Variants in GRAMD2B observed in about 807,000 individuals in gnomAD.
GRAMD2B encodes the protein GRAM domain containing 2B.
Under a neutral mutation model 59.2 loss-of-function variants are expected in GRAMD2B, and 41 were observed. The observed-to-expected ratio is 0.69, with a 90% confidence interval of 0.54 to 0.90. The LOEUF (loss-of-function observed/expected upper bound fraction) is 0.90, where lower values mean the gene tolerates loss of function less well. Ranked by LOEUF, GRAMD2B falls within the 40% of genes least tolerant of loss-of-function variation. The probability of loss-of-function intolerance (pLI) is 0.00; values close to 1 mark genes in which losing one functional copy is unlikely to be tolerated. For synonymous variants in GRAMD2B, 161 were observed against 182.7 expected (o/e 0.88, Z 0.96); for missense variants, 424 against 500.5 (o/e 0.85, Z 1.46).
intron 1 of GRAMD2B, among the ~76,000 whole-genome samples, chr5:126,361,394 G>T (rs1253295483): frequency 6.6e-6 from 1 of 151,042 alleles, no homozygotes; most frequent in Non-Finnish European, 1.5e-5. Context: ...CTACAAACCT[G>T]CATTTGAATC....
intron 1 of GRAMD2B, among the ~76,000 whole-genome samples, chr5:126,431,359 G>A (rs1761550539): frequency 6.6e-6 from 1 of 152,156 alleles, no homozygotes; most frequent in South Asian, 2.1e-4. Context: ...CTTCTTTGCA[G>A]AATAGTTATC....
intron 1 of GRAMD2B, among the ~76,000 whole-genome samples, chr5:126,362,565 G>A (rs1171239808): frequency 6.6e-6 from 1 of 152,006 alleles, no homozygotes; most frequent in Non-Finnish European, 1.5e-5. Flanking sequence ...GACTTATGTA[G>A]ACATACATAA....
chr5:126,391,255 C>T (rs554991224), intron 1 of GRAMD2B, among the ~76,000 whole-genome samples: 26 of 141,338 alleles, frequency 1.8e-4, no homozygotes, highest in African/African-American at 3.4e-4. Context: ...GCAGGAGAAT[C>T]GCTTGAACCC....
chr5:126,379,680 T>C (rs554113041), intron 1 of GRAMD2B, among the ~76,000 whole-genome samples: 53 of 152,368 alleles, frequency 3.5e-4, no homozygotes, highest in African/African-American at 1.2e-3. Flanking sequence ...TTTTATCATA[T>C]GTTTGTTAAC....
chr5:126,382,946 A>G (rs1432076328), intron 1 of GRAMD2B, among the ~76,000 whole-genome samples: 1 of 151,968 alleles, frequency 6.6e-6, no homozygotes, highest in Non-Finnish European at 1.5e-5. Context: ...GCCAGACTGC[A>G]GTGATTATTA....
intron 1 of GRAMD2B, among the ~76,000 whole-genome samples, chr5:126,396,755 G>A (rs746853439): frequency 3.9e-5 from 6 of 152,160 alleles, no homozygotes; most frequent in African/African-American, 4.8e-5. Context: ...ATTGCCACAC[G>A]TCTTCCTCAA....
chr5:126,382,222 T>G (rs567409019), intron 1 of GRAMD2B, among the ~76,000 whole-genome samples: 9 of 152,332 alleles, frequency 5.9e-5, no homozygotes, highest in Admixed American at 2.6e-4. Flanking sequence ...CTTCCTGTAT[T>G]TGGGTGTCTA....
chr5:126,407,852 G>A (rs529288514), intron 1 of GRAMD2B, among the ~76,000 whole-genome samples: 3 of 151,902 alleles, frequency 2.0e-5, no homozygotes, highest in African/African-American at 7.2e-5. Context: ...CTATGTGCCT[G>A]GTATACTGTA....
At chr5:126,385,498 T>C (rs1333343622) in intron 1 of GRAMD2B, among the ~76,000 whole-genome samples, 1 of 152,216 alleles carries the variant, frequency 6.6e-6, no homozygotes, top group Non-Finnish European at 1.5e-5. Flanking sequence ...AGGAAAGAGA[T>C]AACCATTTAC....
At chr5:126,451,870 A>C (rs1402660430) in intron 1 of GRAMD2B, among the ~76,000 whole-genome samples, 1 of 152,054 alleles carries the variant, frequency 6.6e-6, no homozygotes, top group Non-Finnish European at 1.5e-5. Context: ...TCAGTTAGTT[A>C]ATATGAGATC....
intron 6 of GRAMD2B, chr5:126,479,884 T>C (rs576846660): frequency 6.6e-6 from 1 of 152,270 alleles, no homozygotes; most frequent in Non-Finnish European, 1.5e-5. Flanking sequence ...ACATGATTTG[T>C]CTAGCTTTGA....
intron 12 of GRAMD2B, among the ~76,000 whole-genome samples, chr5:126,488,324 T>C (rs1254237601): frequency 6.6e-6 from 1 of 152,222 alleles, no homozygotes; most frequent in Non-Finnish European, 1.5e-5. Context: ...AGTTGTATGA[T>C]AAATCTCAAA....
rs1774233370 is a variant in GRAMD2B at position 126,493,147 on chromosome 5, T to C, written c.*191T>C. 3 of 572,824 alleles carry C rather than the reference T, an allele frequency of 5.2e-6. No individual in the cohort carries two copies. The highest frequency in any genetic ancestry group is 3.0e-5 in the Admixed American group (1 of 32,802). The allele number at this position is 572,824 out of a possible 1,614,324, so 35.5% of individuals were successfully genotyped here. The stretch of plus-strand genomic sequence containing the variant: ...AATTTTGGTTCTTGTGCAATAAAAG[T>C]TGACCTTGACTCTCTGAGGAAGATT... On this transcript the variant is annotated 3_prime_UTR_variant, in exon 14 of 14. Transcript: ENST00000285689.
intron 1 of GRAMD2B, among the ~76,000 whole-genome samples, chr5:126,410,616 A>G (rs1404702335): frequency 6.6e-6 from 1 of 152,152 alleles, no homozygotes; most frequent in Non-Finnish European, 1.5e-5. Context: ...TTCTAGATAT[A>G]CAATCATGTT....
chr5:126,362,206 A>G (rs905018421), intron 1 of GRAMD2B, among the ~76,000 whole-genome samples: 1 of 152,152 alleles, frequency 6.6e-6, no homozygotes, highest in African/African-American at 2.4e-5. Flanking sequence ...AGACCAAACG[A>G]TTTTTTGATC....
intron 1 of GRAMD2B, chr5:126,445,452 T>G (rs911033540): frequency 6.6e-6 from 1 of 152,184 alleles, no homozygotes; most frequent in Non-Finnish European, 1.5e-5. Flanking sequence ...ATCAGTGATG[T>G]TGAGCTTTTT....
At chr5:126,468,224 T>C (rs1768842343) in intron 2 of GRAMD2B, among the ~76,000 whole-genome samples, 1 of 152,208 alleles carries the variant, frequency 6.6e-6, no homozygotes, top group Non-Finnish European at 1.5e-5. Flanking sequence ...ACACATCCAC[T>C]AAAATGGAAA....
chr5:126,469,778 C>G lies in GRAMD2B; in HGVS notation c.305C>G (p.Ser102Cys). Residue 102 changes from serine to cysteine, a missense_variant, in exon 3 of 14, where the codon TCT becomes TGT. Physicochemically the swap from Ser to Cys is moderately radical, Grantham distance 112. Transcript: ENST00000285689. ...DPKTERKKSS[S>C]SSQYKANMHF... ...AAGACTGAAAGAAAAAAGTCTTCAT[C>G]TTCCAGCCAGGTAATTTGAGAATGG... is the stretch of plus-strand genomic sequence containing the variant. 1 of 1,607,970 alleles carries G rather than the reference C, an allele frequency of 6.2e-7. No individual in the cohort carries two copies. Among genetic ancestry groups the G allele is most frequent in the Non-Finnish European group, 8.5e-7 (1 of 1,174,928 alleles).
In GRAMD2B at chr5:126,481,203, A is replaced by AAAAG. The variant is rs199869481; in HGVS notation, c.735+540_735+543dup. Among the ~76,000 whole-genome samples, 377 of 80,092 alleles carry AAAAG rather than the reference A, an allele frequency of 4.7e-3. 6 individuals carry two copies. The highest frequency in any genetic ancestry group is 0.021 in the African/African-American group (347 of 16,324). 52.5% of individuals were successfully genotyped at this position (80,092 alleles called of 152,430 possible). A position where few individuals can be genotyped will look rare whatever the true frequency, so the allele number is the denominator to read the frequency against. ...TCAGAATTAACTGTAAAAAAAAAAA[A>AAAAG]AAAGAAAGAAAGAAAGAAAGAAAGA... On this transcript the variant is annotated intron_variant, in intron 8 of 13. Transcript: ENST00000285689.
Sources: allele counts gnomAD v4.1 joint callset (sites outside exome capture counted in the v4.1 genomes callset), GRCh38; gene constraint gnomAD v4.1.1; transcripts MANE v1.5; gene names NCBI Gene and HGNC (gene_info 2026-07-23, HGNC 2026-07-21).